The following UBR2 variants were observed in gnomAD, a reference collection of about 807,000 sequenced individuals.
UBR2 encodes the protein E3 ubiquitin-protein ligase UBR2.
Under a neutral mutation model 247.9 loss-of-function variants are expected in UBR2, and 92 were observed. That is an observed-to-expected ratio of 0.37 (90% CI 0.31 to 0.44). The LOEUF (loss-of-function observed/expected upper bound fraction) is 0.44. Among genes scored for constraint, UBR2 ranks in the 20% least tolerant of loss-of-function variants. The pLI, the probability that UBR2 is intolerant of heterozygous loss-of-function variation, is 1.00. For synonymous variants in UBR2, 672 were observed against 693.5 expected, an observed-to-expected ratio of 0.97 and a Z score of 0.49; for missense variants, 1,613 against 2,112.6, an observed-to-expected ratio of 0.76 and a Z score of 4.64.
At chr6:42,584,321 A>T (rs532266445) in intron 2 of UBR2, among the ~76,000 whole-genome samples, 133 of 152,184 alleles carry the variant, frequency 8.7e-4, no homozygotes, top group Non-Finnish European at 1.6e-3. Flanking sequence ...TCTTATAAAA[A>T]ATCACTTAAC....
intron 11 of UBR2, among the ~76,000 whole-genome samples, chr6:42,629,303 C>T (rs1336134103): frequency 6.7e-6 from 1 of 149,908 alleles, no homozygotes; most frequent in African/African-American, 2.5e-5. Context: ...AGGCGTGAGC[C>T]ACTGTGCCCG....
At chr6:42,662,975 A>G (rs889421054) in intron 31 of UBR2, among the ~76,000 whole-genome samples, 1 of 151,964 alleles carries the variant, frequency 6.6e-6, no homozygotes, top group Non-Finnish European at 1.5e-5. Flanking sequence ...AATAGCCACC[A>G]GCCTTGGGGA....
Position 42,635,654 on chromosome 6 carries a change from A to C in UBR2, c.1674+108A>C, listed in dbSNP as rs1174524524. 4 of 1,325,356 alleles carry C rather than the reference A, an allele frequency of 3.0e-6. No individual in the cohort carries two copies. In the Admixed American group the frequency reaches 8.8e-5, roughly 29 times the overall value. 82.1% of individuals were successfully genotyped at this position (1,325,356 alleles called of 1,614,324 possible). ...TCTGGAGAAAATAGTGGTGATACTT[A>C]GTTCATTAAACAGCGTATTTTCCTT... is the stretch of plus-strand genomic sequence containing the variant. On this transcript the variant is annotated intron_variant, in intron 14 of 46. Transcript: ENST00000372901.
intron 4 of UBR2, among the ~76,000 whole-genome samples, chr6:42,598,512 A>G (rs897090411): frequency 3.9e-5 from 6 of 152,138 alleles, no homozygotes; most frequent in African/African-American, 1.4e-4. Context: ...TGTCACTAGC[A>G]TCTTCCACTA....
At chr6:42,601,817 G>A (rs185957136) in intron 4 of UBR2, among the ~76,000 whole-genome samples, 45 of 151,280 alleles carry the variant, frequency 3.0e-4, no homozygotes, top group Non-Finnish European at 1.0e-4. Context: ...CCTTCTTCAA[G>A]CTCTAGACCC....
At chr6:42,609,581 A>G (rs1379600788) in intron 7 of UBR2, among the ~76,000 whole-genome samples, 2 of 152,094 alleles carry the variant, frequency 1.3e-5, no homozygotes, top group Non-Finnish European at 2.9e-5. Flanking sequence ...AAAAAGGAGT[A>G]AATACATTCT....
intron 13 of UBR2, among the ~76,000 whole-genome samples, chr6:42,633,729 T>C: frequency 6.6e-6 from 1 of 150,458 alleles, no homozygotes; most frequent in East Asian, 2.0e-4. Flanking sequence ...TTTTGTTTTG[T>C]TTTGTTTTGT....
intron 7 of UBR2, among the ~76,000 whole-genome samples, chr6:42,610,497 C>T (rs916211673): frequency 1.3e-5 from 2 of 152,162 alleles, no homozygotes; most frequent in Non-Finnish European, 2.9e-5. Context: ...GTACATTACT[C>T]AGTCTTAAAA....
At chr6:42,675,093 T>C (rs949478144) in intron 38 of UBR2, among the ~76,000 whole-genome samples, 1 of 152,206 alleles carries the variant, frequency 6.6e-6, no homozygotes, top group South Asian at 2.1e-4. Flanking sequence ...GTACCTACTT[T>C]ATATGACTAT....
At position 42,662,238 on chromosome 6, in the gene UBR2, G is replaced by C. The variant is rs1183796153; in HGVS notation, c.3497G>C (p.Ser1166Thr). ...HPDLSCGTHTSSCGHIMHAHC... is the reference protein window; with the variant it reads ...HPDLSCGTHTTSCGHIMHAHC... ...GATCTGTCTTGTGGAACACACACTA[G>C]TAGCTGTGGGCACATTATGCATGCC... is the stretch of plus-strand genomic sequence containing the variant. The change falls in exon 31 of 47, where the codon AGT becomes ACT. Residue 1166 changes from serine to threonine, a missense_variant. Coordinates refer to ENST00000372901, the MANE Select transcript of UBR2 (RefSeq NM_001363705.2). 3.1e-6 allele frequency: 5 copies of C among 1,611,398 alleles called. No individual in the cohort carries two copies. Among genetic ancestry groups the C allele is most frequent in the Non-Finnish European group, 4.2e-6 (5 of 1,178,818 alleles).
At chr6:42,682,988 G>C in intron 42 of UBR2, 67 bp from the exon 43 acceptor site, 1 of 1,402,942 alleles carries the variant, frequency 7.1e-7, no homozygotes, top group Non-Finnish European at 9.9e-7. Flanking sequence ...GGCTATGGAG[G>C]GGAAAAAATT....
At chr6:42,641,537 G>A (rs758602347) in intron 16 of UBR2, 45 bp from the exon 17 acceptor site, 30 of 1,439,266 alleles carry the variant, frequency 2.1e-5, no homozygotes, top group Middle Eastern at 3.5e-4. Flanking sequence ...GATTTTATGT[G>A]TGTGTTTTTT....
intron 38 of UBR2, among the ~76,000 whole-genome samples, chr6:42,675,229 G>A (rs898466475): frequency 9.2e-5 from 14 of 152,192 alleles, no homozygotes; most frequent in African/African-American, 3.4e-4. Flanking sequence ...GCAGACAGCA[G>A]GAGGCCAACA....
At chr6:42,579,649 A>G (rs1332719172) in intron 2 of UBR2, among the ~76,000 whole-genome samples, 1 of 152,294 alleles carries the variant, frequency 6.6e-6, no homozygotes, top group Non-Finnish European at 1.5e-5. Context: ...AGCTAGAACC[A>G]TAGGCGTGTG....
chr6:42,627,906 G>A (rs1795455378), intron 11 of UBR2, among the ~76,000 whole-genome samples: 1 of 152,158 alleles, frequency 6.6e-6, no homozygotes, highest in Admixed American at 6.5e-5. Context: ...GAATGAATAA[G>A]GGCAGTTTTG....
At chr6:42,635,608 C>G in intron 14 of UBR2, 62 bp downstream of exon 14, 1 of 1,537,102 alleles carries the variant, frequency 6.5e-7, no homozygotes, top group South Asian at 1.2e-5. Context: ...TAAGCAGAAT[C>G]CTAAGTAAAT....
chr6:42,688,862 TGAGA>T (rs1459379855), intron 45 of UBR2, among the ~76,000 whole-genome samples: 1 of 152,100 alleles, frequency 6.6e-6, no homozygotes, highest in Non-Finnish European at 1.5e-5. Context: ...TTGTTTTGTA[TGAGA>T]GAGAGGACAA....
intron 45 of UBR2, 140 bp downstream of exon 45, chr6:42,688,526 T>G: frequency 2.1e-6 from 2 of 957,556 alleles, no homozygotes; most frequent in South Asian, 3.3e-5. Context: ...GAGCTCCTTG[T>G]CGCCTCACAT....
chr6:42,586,036 C>T (rs1215515137), intron 2 of UBR2, among the ~76,000 whole-genome samples: 2 of 152,096 alleles, frequency 1.3e-5, no homozygotes, highest in Admixed American at 1.3e-4. Context: ...CAAAATTACA[C>T]ATTCTGTATG....
Sources: gnomAD v4.1 joint callset for allele counts (sites outside exome capture counted in the v4.1 genomes callset) on GRCh38, gnomAD v4.1.1 for gene constraint, MANE v1.5 for transcripts, NCBI Gene and HGNC (gene_info 2026-07-23, HGNC 2026-07-21) for gene names.